Variants in SEMA4D observed in about 807,000 individuals in gnomAD.
The protein encoded by SEMA4D is semaphorin 4D.
Under a neutral mutation model 74.8 loss-of-function variants are expected in SEMA4D, and 22 were observed. The ratio of observed to expected loss-of-function variants is 0.29; its 90% CI spans 0.21 to 0.42. The LOEUF (loss-of-function observed/expected upper bound fraction) is 0.42, where lower values mean the gene tolerates loss of function less well. SEMA4D is among the 10% of genes least tolerant of loss of function. The pLI is 1.00. For synonymous variants in SEMA4D, 445 were observed against 463.7 expected (o/e 0.96, Z 0.52); for missense variants, 937 against 1,118.4 (o/e 0.84, Z 2.31).
At position 89,381,212 on chromosome 9, in the gene SEMA4D, C is replaced by A; in HGVS notation, c.1581G>T (p.Ala527=). The change falls in exon 14 of 16, where the codon GCG becomes GCT. Residue 527 remains alanine, a synonymous_variant. Transcript: ENST00000422704. This position sits in a 1 kb window ranked among gnomAD's most constrained non-coding sequence, Gnocchi z 4.6. ...DPYCAWSPPT[A]TCVALHQTES... ...CGGTCTGGTGCAGAGCCACGCAGGT[C>A]GCTGTGGGCGGGCTCCAGGCGCAGT... 6.8e-6 allele frequency: 11 copies of A among 1,608,952 alleles called. No individual in the cohort carries two copies. The highest frequency in any genetic ancestry group is 9.4e-6 in the Non-Finnish European group (11 of 1,175,856).
At chr9:89,457,360 A>G (rs1336734392) in intron 1 of SEMA4D, among the ~76,000 whole-genome samples, 1 of 152,204 alleles carries the variant, frequency 6.6e-6, no homozygotes, top group Non-Finnish European at 1.5e-5. Flanking sequence ...AAAGCCATGG[A>G]AACCTTCCAA....
At chr9:89,432,443 C>A (rs540162755) in intron 2 of SEMA4D, among the ~76,000 whole-genome samples, 5 of 152,228 alleles carry the variant, frequency 3.3e-5, no homozygotes, top group Non-Finnish European at 7.4e-5. Flanking sequence ...GTGTGAGGGG[C>A]GCCCTCCAGC....
downstream of SEMA4D, among the ~76,000 whole-genome samples, chr9:89,373,993 C>T (rs762863559): frequency 4.5e-4 from 68 of 152,214 alleles, 1 homozygote; most frequent in Non-Finnish European, 6.6e-4. Context: ...GCCCATGATG[C>T]CCTGGCCTCG....
chr9:89,454,421 C>T (rs955591881), intron 2 of SEMA4D, among the ~76,000 whole-genome samples: 2 of 152,162 alleles, frequency 1.3e-5, no homozygotes, highest in African/African-American at 4.8e-5. Flanking sequence ...GTCAGCCCCC[C>T]CCAGATTTTC....
At chr9:89,496,159 T>C (rs1166037389) in intron 1 of SEMA4D, among the ~76,000 whole-genome samples, 1 of 152,182 alleles carries the variant, frequency 6.6e-6, no homozygotes, top group Non-Finnish European at 1.5e-5. Flanking sequence ...TCTTGCACTC[T>C]AAACCTCAGC....
chr9:89,399,262 C>CA lies in SEMA4D; in HGVS notation c.315+13dup. ...CTTGAATGGGATTCTTTGTAGCTTG[C>CA]AAAAGAAATTTACCTGTTTTGATTT... On this transcript the variant is annotated intron_variant, in intron 5 of 15. Coordinates refer to ENST00000422704, the MANE Select transcript of SEMA4D (RefSeq NM_001371194.2). 1 of 1,609,720 alleles carries CA rather than the reference C, an allele frequency of 6.2e-7. No individual in the cohort carries two copies. Among genetic ancestry groups the CA allele is most frequent in the South Asian group, 1.1e-5 (1 of 90,958 alleles).
intron 3 of SEMA4D, among the ~76,000 whole-genome samples, 182 bp downstream of exon 3, chr9:89,405,169 C>A (rs1843069623): frequency 6.6e-6 from 1 of 151,660 alleles, no homozygotes; most frequent in Admixed American, 6.6e-5. Context: ...GGGTCCCCAT[C>A]CCGTCCTCAG....
exon 19 of SEMA4D, chr9:89,362,418 C>A (rs1832830406): frequency 1.9e-6 from 3 of 1,613,936 alleles, no homozygotes; most frequent in Non-Finnish European, 2.5e-6. Context: ...GGTGTCCTTG[C>A]TACAGCTTTC....
chr9:89,409,028 G>C (rs963594516), intron 2 of SEMA4D, among the ~76,000 whole-genome samples: 1 of 152,208 alleles, frequency 6.6e-6, no homozygotes, highest in Admixed American at 6.5e-5. Context: ...CAGCCGTGGA[G>C]ACAGCCCAGG....
rs189774086 is a variant in SEMA4D, at chr9:89,402,304, G to A, written c.252+567C>T. Among the ~76,000 whole-genome samples the A allele has an allele frequency of 1.1e-3, 166 of 152,312 alleles. 1 individual carries two copies. The highest frequency in any genetic ancestry group is 1.5e-3 in the Non-Finnish European group (101 of 68,044). ...GAAACCGAGGCTGGCTCCTAGAAGC[G>A]GAGACTGAATGGACAGGGTGACCAG... On this transcript the variant is annotated intron_variant, in intron 4 of 15. Transcript: ENST00000422704.
intron 1 of SEMA4D, among the ~76,000 whole-genome samples, chr9:89,472,036 G>A (rs569655955): frequency 2.6e-5 from 4 of 151,530 alleles, no homozygotes; most frequent in East Asian, 1.9e-4. Context: ...ATGCCAGCTC[G>A]GGTGCATGCC....
chr9:89,444,083 TC>T (rs1852272312), intron 2 of SEMA4D, among the ~76,000 whole-genome samples: 1 of 152,062 alleles, frequency 6.6e-6, no homozygotes, highest in East Asian at 1.9e-4. Flanking sequence ...TTTTCACTGC[TC>T]CCCCCATAAT....
intron 16 of SEMA4D, among the ~76,000 whole-genome samples, chr9:89,366,848 C>A (rs910140029): frequency 6.6e-6 from 1 of 152,128 alleles, no homozygotes; most frequent in Non-Finnish European, 1.5e-5. Flanking sequence ...CCAAGAACCA[C>A]CCAGGGGACT....
At chr9:89,480,417 G>A (rs1173546214) in intron 1 of SEMA4D, among the ~76,000 whole-genome samples, 2 of 152,240 alleles carry the variant, frequency 1.3e-5, no homozygotes, top group South Asian at 2.1e-4. Context: ...CCGTGCGCTC[G>A]CATTCCTCAG....
chr9:89,469,933 C>A (rs1285808254), intron 1 of SEMA4D, among the ~76,000 whole-genome samples: 3 of 152,162 alleles, frequency 2.0e-5, no homozygotes. Context: ...AAAGGAAAGG[C>A]ACACAAACTG....
chr9:89,418,288 CTGGGGCAG>C, intron 2 of SEMA4D: 1 of 806,224 alleles, frequency 1.2e-6, no homozygotes, highest in Non-Finnish European at 1.5e-6. Flanking sequence ...GAAGACAGCA[CTGGGGCAG>C]ACAGGAGGGA....
intron 16 of SEMA4D, among the ~76,000 whole-genome samples, chr9:89,370,771 T>C (rs1435135326): frequency 6.2e-5 from 8 of 128,136 alleles, no homozygotes; most frequent in African/African-American, 2.4e-4. Flanking sequence ...GGGTGTGATG[T>C]GTGTGTGGGG....
chr9:89,443,382 C>T (rs557635080), intron 2 of SEMA4D, among the ~76,000 whole-genome samples: 2 of 152,358 alleles, frequency 1.3e-5, no homozygotes, highest in South Asian at 4.1e-4. Flanking sequence ...TCCCACGGGG[C>T]CTGGCTGCCC....
intron 1 of SEMA4D, among the ~76,000 whole-genome samples, chr9:89,481,025 C>T (rs541337558): frequency 5.9e-5 from 9 of 152,386 alleles, no homozygotes; most frequent in Non-Finnish European, 8.8e-5. Flanking sequence ...AAAAGTAACA[C>T]GTCTTGTCCA....
Sources: allele counts gnomAD v4.1 joint callset (sites outside exome capture counted in the v4.1 genomes callset), GRCh38; gene constraint gnomAD v4.1.1; non-coding constraint Gnocchi (gnomAD v3.1); transcripts MANE v1.5; gene names NCBI Gene and HGNC (gene_info 2026-07-23, HGNC 2026-07-21).